GRIK4: variants seen among roughly 807,000 people sequenced by gnomAD.
GRIK4 encodes glutamate receptor ionotropic, kainate 4.
Under a neutral mutation model 104.9 loss-of-function variants are expected in GRIK4, and 40 were observed. The observed-to-expected ratio is 0.38, with a 90% confidence interval of 0.30 to 0.50. The LOEUF (loss-of-function observed/expected upper bound fraction) is 0.50, where lower values mean the gene tolerates loss of function less well. GRIK4 is among the 20% of genes least tolerant of loss of function. The probability of loss-of-function intolerance (pLI) is 0.93; values close to 1 mark genes in which losing one functional copy is unlikely to be tolerated. For synonymous variants in GRIK4, 485 were observed against 524.9 expected (o/e 0.92, Z 1.04); for missense variants, 1,047 against 1,308.1 (o/e 0.80, Z 3.08).
chr11:120,980,646 G>GT (rs1269589066), intron 19 of GRIK4, among the ~76,000 whole-genome samples: 1 of 152,156 alleles, frequency 6.6e-6, no homozygotes, highest in Non-Finnish European at 1.5e-5. Flanking sequence ...CCCCTGGAAG[G>GT]TAGAATTGAG....
intron 4 of GRIK4, among the ~76,000 whole-genome samples, chr11:120,807,600 G>C (rs1449793326): frequency 6.6e-6 from 1 of 152,202 alleles, no homozygotes. Flanking sequence ...CTGCCTCTGA[G>C]AAGTGAGGGC....
intron 14 of GRIK4, among the ~76,000 whole-genome samples, chr11:120,948,283 C>T (rs1025354622): frequency 6.6e-6 from 1 of 152,176 alleles, no homozygotes; most frequent in Non-Finnish European, 1.5e-5. Flanking sequence ...GTTCTAAAGA[C>T]TGTAGAAATG....
chr11:120,617,895 C>A (rs1035778083), intron 1 of GRIK4, among the ~76,000 whole-genome samples: 1 of 151,878 alleles, frequency 6.6e-6, no homozygotes, highest in South Asian at 2.1e-4. Flanking sequence ...TTTATAGCAA[C>A]GTGAGAATGG....
chr11:120,898,640 G>C lies in GRIK4; in HGVS notation c.1272+1G>C. 1 of 1,562,092 alleles carries C rather than the reference G, an allele frequency of 6.4e-7. No homozygotes were observed. Among genetic ancestry groups the C allele is most frequent in the Non-Finnish European group, 8.8e-7 (1 of 1,132,464 alleles). On this transcript the variant is annotated splice_donor_variant, in intron 12 of 20. Transcript: ENST00000527524. LOFTEE classifies it high-confidence loss of function. ...CACCCTGGTCGTCACCACCATCCTG[G>C]TAAGTGGGCTCTCCTAGGCTCCCAG... is the stretch of plus-strand genomic sequence containing the variant.
chr11:120,679,408 G>A (rs1167703961), intron 3 of GRIK4, among the ~76,000 whole-genome samples: 1 of 152,248 alleles, frequency 6.6e-6, no homozygotes, highest in African/African-American at 2.4e-5. Flanking sequence ...TATGGAGAAT[G>A]CAGCTCTTGG....
At chr11:120,931,008 TA>T (rs1319714504) in intron 13 of GRIK4, among the ~76,000 whole-genome samples, 1 of 152,230 alleles carries the variant, frequency 6.6e-6, no homozygotes, top group African/African-American at 2.4e-5. Flanking sequence ...TTATTCCAGG[TA>T]ATGTGTTTTG....
intron 3 of GRIK4, among the ~76,000 whole-genome samples, chr11:120,666,396 C>A (rs536969683): frequency 6.6e-6 from 1 of 152,166 alleles, no homozygotes; most frequent in African/African-American, 2.4e-5. Context: ...AGTGTGTTCT[C>A]GATGAGTGAG....
Position 120,819,996 on chromosome 11 carries a change from C to A in GRIK4, c.511+76C>A. The A allele has an allele frequency of 7.0e-7, 1 of 1,421,034 alleles. No individual in the cohort carries two copies. The highest frequency in any genetic ancestry group is 9.8e-7 in the Non-Finnish European group (1 of 1,020,080). The allele number at this position is 1,421,034 out of a possible 1,614,324, so 88.0% of individuals were successfully genotyped here. A position where few individuals can be genotyped will look rare whatever the true frequency, so the allele number is the denominator to read the frequency against. On this transcript the variant is annotated intron_variant, in intron 6 of 20. Coordinates refer to ENST00000527524, the MANE Select transcript of GRIK4 (RefSeq NM_014619.5). The surrounding 1 kb of genome is among the most constrained non-coding windows in gnomAD (Gnocchi z 4.3). ...TTGCCCTGATTCCCTGTGCCCCTGG[C>A]TGGAGACCCTCCAGGAAGGGGAGGC...
Position 120,956,609 on chromosome 11 carries a change from CTTATT to C in GRIK4, c.1701-158_1701-154del, listed in dbSNP as rs751694781. 1.3e-4 allele frequency among the ~76,000 whole-genome samples: 20 copies of C among 152,126 alleles called. No individual in the cohort carries two copies. Among genetic ancestry groups the C allele is most frequent in the African/African-American group, 2.9e-4 (12 of 41,432 alleles). ...AGAACCATCAACCCAGTTCAACCCA[CTTATT>C]TTATTTTATTTTTTTTTTGGTTGCG... On this transcript the variant is annotated intron_variant, in intron 15 of 20. Coordinates refer to ENST00000527524, the MANE Select transcript of GRIK4 (RefSeq NM_014619.5). This position sits in a 1 kb window ranked among gnomAD's most constrained non-coding sequence, Gnocchi z 4.6.
chr11:120,851,061 G>A (rs993860567), intron 8 of GRIK4, among the ~76,000 whole-genome samples: 6 of 152,016 alleles, frequency 3.9e-5, no homozygotes, highest in Admixed American at 6.5e-5. Flanking sequence ...TGTGGTAGAC[G>A]CATCTCCTGT....
intron 10 of GRIK4, 137 bp downstream of exon 10, chr11:120,874,355 C>T (rs1447200711): frequency 3.0e-6 from 2 of 669,736 alleles, no homozygotes; most frequent in African/African-American, 3.6e-5. Context: ...AATCAGTGAT[C>T]TCTGGTGACC....
intron 3 of GRIK4, among the ~76,000 whole-genome samples, chr11:120,668,693 T>C (rs779980538): frequency 6.6e-6 from 1 of 152,116 alleles, no homozygotes; most frequent in Non-Finnish European, 1.5e-5. Context: ...AACACTGGAG[T>C]TGGCTCCCGG....
chr11:120,916,903 C>T (rs1027070130), intron 13 of GRIK4, among the ~76,000 whole-genome samples: 1 of 152,136 alleles, frequency 6.6e-6, no homozygotes, highest in Admixed American at 6.5e-5. Context: ...TTGCATTCCC[C>T]TAGGGAGTGC....
chr11:120,841,419 C>T (rs1287864006), intron 8 of GRIK4, among the ~76,000 whole-genome samples: 6 of 152,158 alleles, frequency 3.9e-5, no homozygotes. Flanking sequence ...CTTTAGGGTT[C>T]ATTCATATGT....
intron 3 of GRIK4, among the ~76,000 whole-genome samples, chr11:120,663,884 C>G (rs751049478): frequency 7.9e-5 from 12 of 152,218 alleles, no homozygotes; most frequent in African/African-American, 2.7e-4. Context: ...CCGTTATCAT[C>G]CTGTCCGTAA....
chr11:120,773,905 C>G (rs1951992166), intron 3 of GRIK4, among the ~76,000 whole-genome samples: 1 of 152,202 alleles, frequency 6.6e-6, no homozygotes, highest in East Asian at 1.9e-4. Context: ...AAGTTTCTGA[C>G]AGAAGCAAAA....
chr11:120,706,371 C>T (rs1422512717), intron 3 of GRIK4, among the ~76,000 whole-genome samples: 1 of 152,198 alleles, frequency 6.6e-6, no homozygotes, highest in Non-Finnish European at 1.5e-5. Flanking sequence ...GCTGTGTGGC[C>T]ACCTCTTCCA....
At chr11:120,664,632 C>A (rs574614523) in intron 3 of GRIK4, among the ~76,000 whole-genome samples, 13 of 152,322 alleles carry the variant, frequency 8.5e-5, no homozygotes, top group African/African-American at 2.9e-4. Flanking sequence ...GAGCTGATGA[C>A]CCCCTGGAAA....
chr11:120,807,494 C>T (rs895045266), intron 4 of GRIK4, among the ~76,000 whole-genome samples: 11 of 152,256 alleles, frequency 7.2e-5, no homozygotes, highest in Middle Eastern at 3.4e-3. Context: ...CTCCAGTGCC[C>T]GGCGCGTAGC....
Sources: gnomAD v4.1 joint callset for allele counts (sites outside exome capture counted in the v4.1 genomes callset) on GRCh38, gnomAD v4.1.1 for gene constraint, Gnocchi (gnomAD v3.1) non-coding constraint, MANE v1.5 for transcripts, NCBI Gene and HGNC (gene_info 2026-07-23, HGNC 2026-07-21) for gene names.